The following COBL variants were observed in gnomAD, a reference collection of about 807,000 sequenced individuals.
COBL encodes protein cordon-bleu.
Under a neutral mutation model 98.8 loss-of-function variants are expected in COBL, and 51 were observed. The ratio of observed to expected loss-of-function variants is 0.52; its 90% CI spans 0.41 to 0.65. The LOEUF (loss-of-function observed/expected upper bound fraction) is 0.65, where lower values mean the gene tolerates loss of function less well. Ranked by LOEUF, COBL falls within the 30% of genes least tolerant of loss-of-function variation. COBL has a pLI of 0.00. For missense variants in COBL, 1,617 were observed against 1,617.5 expected (o/e 1.00, Z 0.01); for synonymous variants, 634 against 651.7 (o/e 0.97, Z 0.41).
intron 6 of COBL, among the ~76,000 whole-genome samples, chr7:51,099,946 G>A (rs1168530250): frequency 1.3e-5 from 2 of 152,146 alleles, no homozygotes; most frequent in African/African-American, 2.4e-5. Context: ...GTGATGTGGT[G>A]TTCTAGTCTT....
At chr7:51,225,711 A>G (rs1415922454) in intron 1 of COBL, among the ~76,000 whole-genome samples, 1 of 152,168 alleles carries the variant, frequency 6.6e-6, no homozygotes, top group East Asian at 1.9e-4. Flanking sequence ...CACATTTACT[A>G]AGTTTCAGGA....
intron 1 of COBL, among the ~76,000 whole-genome samples, chr7:51,253,972 A>G (rs2129140232): frequency 6.6e-6 from 1 of 152,304 alleles, no homozygotes; most frequent in African/African-American, 2.4e-5. Flanking sequence ...GTAGTTCAAA[A>G]TCAAAATTAT....
At chr7:51,154,945 T>C (rs1785971802) in intron 5 of COBL, among the ~76,000 whole-genome samples, 1 of 152,342 alleles carries the variant, frequency 6.6e-6, no homozygotes. Context: ...AAAGCAGGCA[T>C]GCGTTCAATG....
chr7:51,129,765 A>G (rs1396159048), intron 6 of COBL, among the ~76,000 whole-genome samples: 1 of 152,094 alleles, frequency 6.6e-6, no homozygotes, highest in Non-Finnish European at 1.5e-5. Flanking sequence ...AGGCAGGTGA[A>G]AGGCTCTGCT....
chr7:51,296,197 T>A (rs915238887), intron 1 of COBL, among the ~76,000 whole-genome samples: 48 of 152,302 alleles, frequency 3.2e-4, no homozygotes, highest in African/African-American at 1.2e-3. Context: ...GGGACACCCA[T>A]GATATCAGCA....
At chr7:51,166,611 G>A (rs1787340132) in intron 5 of COBL, among the ~76,000 whole-genome samples, 1 of 152,130 alleles carries the variant, frequency 6.6e-6, no homozygotes, top group Middle Eastern at 3.4e-3. Context: ...TATGAGGCCA[G>A]TATTACCCTG....
At chr7:51,126,825 C>A (rs928589267) in intron 6 of COBL, among the ~76,000 whole-genome samples, 3 of 152,172 alleles carry the variant, frequency 2.0e-5, no homozygotes, top group Non-Finnish European at 4.4e-5. Context: ...AGCAGAACAT[C>A]ATCCAAGTCG....
intron 7 of COBL, among the ~76,000 whole-genome samples, chr7:51,056,842 C>CACAA (rs1352709394): frequency 6.6e-6 from 1 of 151,264 alleles, no homozygotes; most frequent in Non-Finnish European, 1.5e-5. Flanking sequence ...CACACACACA[C>CACAA]ACACACACGG....
chr7:51,042,534 A>AT (rs1014632293), intron 8 of COBL, among the ~76,000 whole-genome samples: 3 of 151,584 alleles, frequency 2.0e-5, no homozygotes, highest in Non-Finnish European at 4.4e-5. Flanking sequence ...TAATTTTTAA[A>AT]TTTTTTTTGT....
At chr7:51,121,656 T>A (rs1797750965) in intron 6 of COBL, among the ~76,000 whole-genome samples, 1 of 152,226 alleles carries the variant, frequency 6.6e-6, no homozygotes, top group African/African-American at 2.4e-5. Context: ...TAGGAGGCTC[T>A]GCACCCAGCT....
chr7:51,115,202 C>T (rs1797164384), intron 6 of COBL, among the ~76,000 whole-genome samples: 1 of 152,028 alleles, frequency 6.6e-6, no homozygotes. Context: ...ATATGTTGAT[C>T]ATATGGTTGA....
At chr7:51,254,301 G>C (rs1797007448) in intron 1 of COBL, among the ~76,000 whole-genome samples, 1 of 152,132 alleles carries the variant, frequency 6.6e-6, no homozygotes, top group Non-Finnish European at 1.5e-5. Context: ...AGAAGAAAAT[G>C]GAAGGATGAG....
intron 1 of COBL, among the ~76,000 whole-genome samples, chr7:51,271,858 C>A (rs1798790955): frequency 6.6e-6 from 1 of 152,168 alleles, no homozygotes; most frequent in South Asian, 2.1e-4. Context: ...TGGTGAAACC[C>A]CATATCTATG....
chr7:51,268,550 G>T (rs1268848492), intron 1 of COBL, among the ~76,000 whole-genome samples: 2 of 152,208 alleles, frequency 1.3e-5, no homozygotes, highest in African/African-American at 4.8e-5. Context: ...GTATGTTTAA[G>T]GGATGTGATC....
At chr7:51,231,179 G>A (rs10273385) in intron 1 of COBL, among the ~76,000 whole-genome samples, 8,691 of 152,230 alleles carry the variant, frequency 0.057, 786 homozygotes, top group African/African-American at 0.2. Flanking sequence ...TACCACAGTG[G>A]CTGGGATCTA....
At chr7:51,058,586 A>ACAACAACAACAC (rs1239572751) in intron 7 of COBL, among the ~76,000 whole-genome samples, 2 of 145,812 alleles carry the variant, frequency 1.4e-5, no homozygotes, top group Non-Finnish European at 3.0e-5. Flanking sequence ...AACAACAACA[A>ACAACAACAACAC]CACAACCCCC....
intron 1 of COBL, among the ~76,000 whole-genome samples, chr7:51,272,985 C>A (rs1018434661): frequency 4.0e-5 from 6 of 151,008 alleles, no homozygotes; most frequent in South Asian, 2.1e-4. Context: ...ACAACAACAA[C>A]AAAAACATCC....
At chr7:51,026,927 T>C (rs1465631180) in intron 10 of COBL, among the ~76,000 whole-genome samples, 1 of 152,122 alleles carries the variant, frequency 6.6e-6, no homozygotes, top group African/African-American at 2.4e-5. Context: ...AATCCACTCA[T>C]GTCAGCCGAG....
chr7:51,050,491 G>A (rs1169534081), intron 7 of COBL, among the ~76,000 whole-genome samples: 1 of 152,186 alleles, frequency 6.6e-6, no homozygotes, highest in African/African-American at 2.4e-5. Flanking sequence ...TATCATATCT[G>A]GGTGAGACTA....
Sources: allele counts gnomAD v4.1 joint callset (sites outside exome capture counted in the v4.1 genomes callset), GRCh38; gene constraint gnomAD v4.1.1; transcripts MANE v1.5; gene names NCBI Gene and HGNC (gene_info 2026-07-23, HGNC 2026-07-21).